HCN1: variants seen among roughly 807,000 people sequenced by gnomAD.
HCN1 encodes potassium/sodium hyperpolarization-activated cyclic nucleotide-gated channel 1.
In HCN1, 13 loss-of-function variants were observed where a neutral mutation model predicts 78.9. That is an observed-to-expected ratio of 0.16 (90% CI 0.11 to 0.26). The LOEUF is 0.26. HCN1 is among the 10% of genes least tolerant of loss of function. The probability of loss-of-function intolerance (pLI) is 1.00; values close to 1 mark genes in which losing one functional copy is unlikely to be tolerated. For missense variants in HCN1, 810 were observed against 1,154.3 expected (o/e 0.70, Z 4.32); for synonymous variants, 552 against 455.5 (o/e 1.21, Z -2.70).
chr5:45,444,841 G>C lies in HCN1; in HGVS notation c.1011+17005C>G, dbSNP rs1432722915. On this transcript the variant is annotated intron_variant, in intron 3 of 7. Transcript: ENST00000303230. ...TTATACTTTAAGATTTAGGGTACAT[G>C]TGCACAATGTGCAGGTTAGCTACAT... Among the ~76,000 whole-genome samples the C allele has an allele frequency of 2.0e-5, 3 of 151,152 alleles. No homozygotes were observed. The East Asian group carries it at 5.8e-4, about 29-fold the overall frequency.
Position 45,262,086 on chromosome 5 carries a change from C to A in HCN1, c.2508G>T (p.Pro836=). 1 of 1,612,974 alleles carries A rather than the reference C, an allele frequency of 6.2e-7. No individual in the cohort carries two copies. The highest frequency in any genetic ancestry group is 1.7e-4 in the Middle Eastern group (1 of 6,058). The change falls in exon 8 of 8, where the codon CCG becomes CCT. Residue 836 remains proline, a synonymous_variant. Transcript: ENST00000303230. The part of the protein sequence containing the change: ...GLQAGGRSTV[P]QRVTLFRQMS... ...TCTGTCGGAAGAGGGTGACGCGCTG[C>A]GGGACAGTGCTCCTGCCCCCTGCCT... is the stretch of plus-strand genomic sequence containing the variant.
chr5:45,429,856 A>G (rs573151089), intron 3 of HCN1, among the ~76,000 whole-genome samples: 14 of 152,264 alleles, frequency 9.2e-5, no homozygotes, highest in Non-Finnish European at 1.8e-4. Context: ...CCTTCAAACA[A>G]CATAGGAAAG....
chr5:45,606,388 G>T (rs1240389683), intron 2 of HCN1, among the ~76,000 whole-genome samples: 1 of 151,942 alleles, frequency 6.6e-6, no homozygotes, highest in Non-Finnish European at 1.5e-5. Context: ...AGGAAAAAAA[G>T]AGAATATGAT....
intron 2 of HCN1, among the ~76,000 whole-genome samples, chr5:45,549,658 A>G (rs1405109072): frequency 2.0e-5 from 3 of 152,200 alleles, no homozygotes; most frequent in Admixed American, 2.0e-4. Flanking sequence ...GGATCTAATT[A>G]AACTCAAGAG....
At chr5:45,351,076 T>G (rs1746890098) in intron 5 of HCN1, among the ~76,000 whole-genome samples, 1 of 152,122 alleles carries the variant, frequency 6.6e-6, no homozygotes, top group Non-Finnish European at 1.5e-5. Flanking sequence ...AAGTCAATCC[T>G]AAGCCAAAAG....
At chr5:45,291,423 G>T (rs1051688565) in intron 6 of HCN1, among the ~76,000 whole-genome samples, 1 of 151,974 alleles carries the variant, frequency 6.6e-6, no homozygotes, top group Non-Finnish European at 1.5e-5. Context: ...TAGCAAAGCT[G>T]GCATCCTTTT....
intron 2 of HCN1, among the ~76,000 whole-genome samples, chr5:45,466,196 C>T (rs923130218): frequency 3.3e-5 from 5 of 152,104 alleles, no homozygotes; most frequent in African/African-American, 1.2e-4. Context: ...TTTTAAAATG[C>T]TTCCATATTC....
At chr5:45,322,476 C>T (rs1338059357) in intron 5 of HCN1, among the ~76,000 whole-genome samples, 2 of 151,900 alleles carry the variant, frequency 1.3e-5, no homozygotes, top group African/African-American at 4.8e-5. Flanking sequence ...ATGCTTGAGA[C>T]CAGAAATGTG....
At chr5:45,375,795 TGA>T (rs1747625128) in intron 4 of HCN1, among the ~76,000 whole-genome samples, 2 of 116,744 alleles carry the variant, frequency 1.7e-5, no homozygotes, top group Non-Finnish European at 3.2e-5. Context: ...TAATATTTTA[TGA>T]TATATCTTAT....
At chr5:45,604,222 T>C (rs1022563995) in intron 2 of HCN1, among the ~76,000 whole-genome samples, 3 of 152,112 alleles carry the variant, frequency 2.0e-5, no homozygotes, top group African/African-American at 7.2e-5. Context: ...CTCTGTGAGA[T>C]AGATAAGACT....
chr5:45,591,900 C>T (rs1324693644), intron 2 of HCN1, among the ~76,000 whole-genome samples: 3 of 151,992 alleles, frequency 2.0e-5, no homozygotes. Flanking sequence ...ATGTTTTCTT[C>T]TAGGAGTTTT....
At chr5:45,668,265 T>TG (rs1424747709) in intron 1 of HCN1, among the ~76,000 whole-genome samples, 1 of 151,888 alleles carries the variant, frequency 6.6e-6, no homozygotes, top group East Asian at 1.9e-4. Context: ...GTAATCCCCG[T>TG]GTGTGGAAGG....
At chr5:45,372,117 A>T (rs1214604385) in intron 4 of HCN1, among the ~76,000 whole-genome samples, 1 of 54,858 alleles carries the variant, frequency 1.8e-5, no homozygotes, top group African/African-American at 1.0e-4. Flanking sequence ...TAATATAATT[A>T]TATATTATAT....
At position 45,269,712 on chromosome 5, in the gene HCN1, C is replaced by A. The variant is rs187322967; in HGVS notation, c.1619-2459G>T. Among the ~76,000 whole-genome samples, 4 of 152,158 alleles carry A rather than the reference C, an allele frequency of 2.6e-5. No homozygotes were observed. In the East Asian group the frequency reaches 7.7e-4, roughly 29 times the overall value. ...AACGAACCACTGACATTTCCCCCCA[C>A]TATCCTCAGGTACATGGTTGGCTAC... On this transcript the variant is annotated intron_variant, in intron 6 of 7. Transcript: ENST00000303230.
intron 2 of HCN1, among the ~76,000 whole-genome samples, chr5:45,623,922 A>T (rs1745116532): frequency 6.6e-6 from 1 of 152,210 alleles, no homozygotes; most frequent in Admixed American, 6.5e-5. Flanking sequence ...TTTGACAGAG[A>T]TTTGAAAGAA....
At chr5:45,505,655 T>G (rs1028225652) in intron 2 of HCN1, among the ~76,000 whole-genome samples, 3 of 152,100 alleles carry the variant, frequency 2.0e-5, no homozygotes, top group Admixed American at 1.3e-4. Context: ...AAGGTTTTCA[T>G]TAAAATCTGG....
rs151099293 is a variant in HCN1, at chr5:45,350,210, C to T, written c.1377+2890G>A. Among the ~76,000 whole-genome samples, 23 of 152,278 alleles carry T rather than the reference C, an allele frequency of 1.5e-4. No individual in the cohort carries two copies. The East Asian group carries it at 4.3e-3, about 28-fold the overall frequency. ...TGGGCTTCATCCCTGGGATGCAAGG[C>T]TGGTTCAATATATACAAATCAATAA... On this transcript the variant is annotated intron_variant, in intron 5 of 7. Coordinates refer to ENST00000303230, the MANE Select transcript of HCN1 (RefSeq NM_021072.4).
At chr5:45,371,563 C>A (rs1747359337) in intron 4 of HCN1, among the ~76,000 whole-genome samples, 1 of 151,462 alleles carries the variant, frequency 6.6e-6, no homozygotes, top group Non-Finnish European at 1.5e-5. Context: ...TTGAGACCAT[C>A]CTGGACAACA....
chr5:45,410,010 T>C (rs940682953), intron 3 of HCN1, among the ~76,000 whole-genome samples: 1 of 151,790 alleles, frequency 6.6e-6, no homozygotes, highest in Non-Finnish European at 1.5e-5. Context: ...AAACAAAAAA[T>C]ACAAACTCAT....
Sources: gnomAD v4.1 joint callset for allele counts (sites outside exome capture counted in the v4.1 genomes callset) on GRCh38, gnomAD v4.1.1 for gene constraint, MANE v1.5 for transcripts, NCBI Gene and HGNC (gene_info 2026-07-23, HGNC 2026-07-21) for gene names.